Variants in ASTN2 observed in about 807,000 individuals in gnomAD.
ASTN2 encodes astrotactin 2.
ASTN2 carries 54 observed loss-of-function variants against 139.8 expected under a neutral mutation model. The observed-to-expected ratio is 0.39, with a 90% CI of 0.31 to 0.48. ASTN2 has a LOEUF of 0.48. Among genes scored for constraint, ASTN2 ranks in the 20% least tolerant of loss-of-function variants. The pLI, the probability that ASTN2 is intolerant of heterozygous loss-of-function variation, is 0.95. For synonymous variants in ASTN2, 756 were observed against 719.5 expected (o/e 1.05, Z -0.81); for missense variants, 1,565 against 1,725.1 (o/e 0.91, Z 1.64).
Position 116,565,388 on chromosome 9 carries a change from C to CTCTCTCTCTCTCT in ASTN2, c.3355+52935_3355+52936insAGAGAGAGAGAGA, listed in dbSNP as rs1564120372. 1.1e-3 allele frequency among the ~76,000 whole-genome samples: 37 copies of CTCTCTCTCTCTCT among 33,946 alleles called. 1 individual carries two copies. Among genetic ancestry groups the CTCTCTCTCTCTCT allele is most frequent in the African/African-American group, 2.5e-3 (18 of 7,194 alleles). The allele number at this position is 33,946 out of a possible 152,430, so 22.3% of individuals were successfully genotyped here. A position where few individuals can be genotyped will look rare whatever the true frequency, so the allele number is the denominator to read the frequency against. On this transcript the variant is annotated intron_variant, in intron 19 of 22. Coordinates refer to ENST00000313400, the MANE Select transcript of ASTN2 (RefSeq NM_001365068.1). Reference sequence around the variant, plus strand: ...CTCTCTCTCTCTCTCTCTCTCTCTCCATATATATATATATATATATATATA... The same window carrying CTCTCTCTCTCTCT: ...CTCTCTCTCTCTCTCTCTCTCTCTCCTCTCTCTCTCTCTATATATATATATATATATATATATA...
intron 7 of ASTN2, among the ~76,000 whole-genome samples, chr9:117,002,710 T>G (rs1837226385): frequency 6.6e-6 from 1 of 152,204 alleles, no homozygotes; most frequent in South Asian, 2.1e-4. Context: ...TGTCTCTTAA[T>G]TACATGTCAG....
intron 19 of ASTN2, among the ~76,000 whole-genome samples, chr9:116,570,644 G>A (rs1052510503): frequency 5.9e-5 from 9 of 152,218 alleles, no homozygotes; most frequent in South Asian, 4.1e-4. Flanking sequence ...TGATCCACCC[G>A]CCTTGGCCTC....
intron 14 of ASTN2, among the ~76,000 whole-genome samples, chr9:116,730,726 A>C (rs1223053722): frequency 1.3e-5 from 2 of 152,244 alleles, no homozygotes; most frequent in Non-Finnish European, 2.9e-5. Flanking sequence ...CAGAAGAGGC[A>C]GAATGATGCA....
chr9:117,271,097 C>A (rs1834053254), intron 2 of ASTN2, among the ~76,000 whole-genome samples: 1 of 152,108 alleles, frequency 6.6e-6, no homozygotes, highest in Non-Finnish European at 1.5e-5. Flanking sequence ...TGTATCAGTC[C>A]ATTTTTATGC....
At position 116,546,882 on chromosome 9, in the gene ASTN2, G is replaced by A. The variant is rs529876067; in HGVS notation, c.3356-59382C>T. Among the ~76,000 whole-genome samples, 3 of 152,286 alleles carry A rather than the reference G, an allele frequency of 2.0e-5. No individual in the cohort carries two copies. The East Asian group carries it at 5.8e-4, about 29-fold the overall frequency. ...TGCAATCAATACATTGAGGGAGCAG[G>A]CGTTGAACTCTTGTCACTGACTCCA... On this transcript the variant is annotated intron_variant, in intron 19 of 22. Coordinates refer to ENST00000313400, the MANE Select transcript of ASTN2 (RefSeq NM_001365068.1).
intron 10 of ASTN2, among the ~76,000 whole-genome samples, chr9:116,912,946 T>G (rs1834356412): frequency 6.6e-6 from 1 of 152,196 alleles, no homozygotes. Context: ...TCGCCCAGGC[T>G]GGAGTGCAGT....
intron 2 of ASTN2, 128 bp downstream of exon 2, chr9:117,291,198 T>G (rs999330474): frequency 8.2e-7 from 1 of 1,214,338 alleles, no homozygotes; most frequent in East Asian, 2.6e-5. Context: ...GATTTTCTGT[T>G]TCTCATTCTA....
At chr9:116,439,480 G>GATGT (rs1847776464) in intron 22 of ASTN2, among the ~76,000 whole-genome samples, 3 of 151,960 alleles carry the variant, frequency 2.0e-5, no homozygotes, top group South Asian at 4.2e-4. Context: ...GATTACAGGC[G>GATGT]TGAGCCACCG....
chr9:116,516,079 T>A (rs1207084662), intron 19 of ASTN2, among the ~76,000 whole-genome samples: 1 of 152,210 alleles, frequency 6.6e-6, no homozygotes, highest in Admixed American at 6.5e-5. Flanking sequence ...CCTTATTTTA[T>A]TAAAATATAA....
At chr9:116,730,446 T>C (rs1201374636) in intron 14 of ASTN2, among the ~76,000 whole-genome samples, 2 of 152,208 alleles carry the variant, frequency 1.3e-5, no homozygotes, top group African/African-American at 2.4e-5. Context: ...CCCAAAGATA[T>C]GTCCACTGGA....
chr9:116,821,579 A>G (rs1034420626), intron 11 of ASTN2, among the ~76,000 whole-genome samples: 2 of 152,170 alleles, frequency 1.3e-5, no homozygotes, highest in Non-Finnish European at 2.9e-5. Context: ...AATGGCCAAC[A>G]GAGTGCTATT....
At chr9:116,973,378 A>G (rs1836264511) in intron 10 of ASTN2, among the ~76,000 whole-genome samples, 1 of 152,188 alleles carries the variant, frequency 6.6e-6, no homozygotes, top group South Asian at 2.1e-4. Context: ...AGACAAATAA[A>G]TGAAAACGTA....
At chr9:116,502,477 G>C (rs1849898904) in intron 19 of ASTN2, among the ~76,000 whole-genome samples, 1 of 151,638 alleles carries the variant, frequency 6.6e-6, no homozygotes, top group Admixed American at 6.6e-5. Context: ...AGAACACATA[G>C]GGCCAAAGAC....
intron 4 of ASTN2, among the ~76,000 whole-genome samples, chr9:117,131,139 T>C (rs1367001717): frequency 3.9e-5 from 6 of 152,208 alleles, no homozygotes; most frequent in African/African-American, 1.2e-4. Flanking sequence ...ATAGGGCCTA[T>C]GTGGACCAAA....
intron 17 of ASTN2, among the ~76,000 whole-genome samples, chr9:116,621,858 G>T (rs1163362421): frequency 6.6e-6 from 1 of 152,116 alleles, no homozygotes; most frequent in Non-Finnish European, 1.5e-5. Context: ...CTTCTATTTT[G>T]TTCCCCTCCC....
At chr9:117,184,453 T>G (rs2132952456) in intron 3 of ASTN2, among the ~76,000 whole-genome samples, 1 of 152,234 alleles carries the variant, frequency 6.6e-6, no homozygotes, top group East Asian at 1.9e-4. Context: ...CATGAGGAAG[T>G]GATATCTCTG....
intron 13 of ASTN2, among the ~76,000 whole-genome samples, chr9:116,797,613 G>C (rs1830735882): frequency 6.6e-6 from 1 of 152,222 alleles, no homozygotes; most frequent in Non-Finnish European, 1.5e-5. Flanking sequence ...GCTCCATAGA[G>C]AGGCTTGGGA....
intron 4 of ASTN2, among the ~76,000 whole-genome samples, chr9:117,105,125 AC>A (rs1166945129): frequency 6.6e-6 from 1 of 151,760 alleles, no homozygotes; most frequent in Non-Finnish European, 1.5e-5. Flanking sequence ...CCTTCGCCAC[AC>A]CCCCATCAAA....
chr9:116,805,692 T>C lies in ASTN2; in HGVS notation c.2336A>G (p.His779Arg), dbSNP rs764358066. 6.2e-6 allele frequency: 10 copies of C among 1,613,866 alleles called. No individual in the cohort carries two copies. The Admixed American group carries it at 8.3e-5, about 13-fold the overall frequency. ...FNDTLFGEML[H>R]GYNNRTQHVN... ...ATGCTGGGTCCGGTTGTTGTAACCA[T>C]GTAGCATCTCTCCAAAGAGGGTATC... is the stretch of plus-strand genomic sequence containing the variant. The change falls in exon 13 of 23, where the codon CAT becomes CGT. Residue 779 changes from histidine (H) to arginine (R), a missense_variant. Physicochemically the swap from His to Arg is conservative, Grantham distance 29 (BLOSUM62 0). Around this residue, in one of 4 missense-constraint regions of ASTN2, gnomAD observed 503 missense variants for 591.7 expected, o/e 0.85. Coordinates refer to ENST00000313400, the MANE Select transcript of ASTN2 (RefSeq NM_001365068.1).
Sources: gnomAD v4.1 joint callset for allele counts (sites outside exome capture counted in the v4.1 genomes callset) on GRCh38, gnomAD v4.1.1 for gene constraint, gnomAD v4.1.1 regional missense constraint, MANE v1.5 for transcripts, NCBI Gene and HGNC (gene_info 2026-07-23, HGNC 2026-07-21) for gene names.